ADGRD1: variants seen among roughly 807,000 people sequenced by gnomAD.
ADGRD1 encodes the protein adhesion G protein-coupled receptor D1.
In ADGRD1, 77 loss-of-function variants were observed where a neutral mutation model predicts 113.4. The ratio of observed to expected loss-of-function variants is 0.68; its 90% CI spans 0.57 to 0.82. The LOEUF is 0.82. Among genes scored for constraint, ADGRD1 ranks in the 40% least tolerant of loss-of-function variants. The pLI, the probability that ADGRD1 is intolerant of heterozygous loss-of-function variation, is 0.00. For synonymous variants in ADGRD1, 474 were observed against 475.0 expected, an observed-to-expected ratio of 1.00 and a Z score of 0.03; for missense variants, 1,036 against 1,139.1, an observed-to-expected ratio of 0.91 and a Z score of 1.30.
At chr12:131,004,664 C>T (rs572018643) in intron 11 of ADGRD1, among the ~76,000 whole-genome samples, 3 of 152,176 alleles carry the variant, frequency 2.0e-5, no homozygotes, top group South Asian at 2.1e-4. Flanking sequence ...AATCGGCACA[C>T]ACCTGGTCAG....
In ADGRD1 at chr12:131,101,377, C is replaced by CTTTTTTTTTTTT. The variant is rs71095334; in HGVS notation, c.1672-3438_1672-3427dup. Among the ~76,000 whole-genome samples the CTTTTTTTTTTTT allele has an allele frequency of 6.9e-4, 25 of 36,140 alleles. 3 individuals carry two copies. The highest frequency in any genetic ancestry group is 1.6e-3 in the African/African-American group (17 of 10,882). 23.7% of individuals were successfully genotyped at this position (36,140 alleles called of 152,430 possible). A position where few individuals can be genotyped will look rare whatever the true frequency, so the allele number is the denominator to read the frequency against. ...TTATTTTTTTTCTTTTTCTTTCTTT[C>CTTTTTTTTTTTT]TTTTTTTTTTTTTTTTTTTTTTTTT... On this transcript the variant is annotated intron_variant, in intron 15 of 24. Transcript: ENST00000261654.
chr12:130,996,704 G>A (rs1875452247), intron 8 of ADGRD1, among the ~76,000 whole-genome samples: 1 of 98,750 alleles, frequency 1.0e-5, no homozygotes. Context: ...GCCGGGCGGG[G>A]GGCTGACCCC....
intron 14 of ADGRD1, among the ~76,000 whole-genome samples, chr12:131,078,041 C>G (rs1350160512): frequency 6.6e-6 from 1 of 152,202 alleles, no homozygotes; most frequent in African/African-American, 2.4e-5. Context: ...TCCCCAACAC[C>G]TGGGCATCTT....
At chr12:130,999,585 C>T (rs1487285446) in intron 8 of ADGRD1, among the ~76,000 whole-genome samples, 1 of 152,110 alleles carries the variant, frequency 6.6e-6, no homozygotes, top group Non-Finnish European at 1.5e-5. Flanking sequence ...TTCGGTCAGC[C>T]TCTAAGTTTA....
chr12:131,136,849 C>T (rs898341678), intron 22 of ADGRD1, 124 bp from the exon 23 acceptor site: 1 of 820,568 alleles, frequency 1.2e-6, no homozygotes, highest in African/African-American at 1.7e-5. Context: ...GGCCCCAGGT[C>T]ATGGGACCTG....
intron 13 of ADGRD1, chr12:131,023,345 G>T (rs1247196905): frequency 1.3e-5 from 2 of 152,160 alleles, no homozygotes; most frequent in Non-Finnish European, 2.9e-5. Context: ...TATTTGAGGG[G>T]TATGTGAACC....
intron 13 of ADGRD1, among the ~76,000 whole-genome samples, chr12:131,074,178 C>T (rs1366276609): frequency 6.6e-6 from 1 of 152,202 alleles, no homozygotes. Flanking sequence ...CCGTTTGCTT[C>T]TCCCTGACTG....
At chr12:131,129,216 G>C (rs867651782) in intron 20 of ADGRD1, among the ~76,000 whole-genome samples, 218 of 113,050 alleles carry the variant, frequency 1.9e-3, no homozygotes, top group Middle Eastern at 0.013. Context: ...GCCCCGCCCT[G>C]CTGTCTGGGT....
chr12:130,971,369 C>G lies in ADGRD1; in HGVS notation c.188-89C>G, dbSNP rs900416265. 3.2e-5 allele frequency: 29 copies of G among 906,926 alleles called. No individual in the cohort carries two copies. The highest frequency in any genetic ancestry group is 3.2e-4 in the African/African-American group (19 of 59,454). The allele number at this position is 906,926 out of a possible 1,614,324, so 56.2% of individuals were successfully genotyped here. On this transcript the variant is annotated intron_variant, in intron 3 of 24. Coordinates refer to ENST00000261654, the MANE Select transcript of ADGRD1 (RefSeq NM_198827.5). This position sits in a 1 kb window ranked among gnomAD's most constrained non-coding sequence, Gnocchi z 4.2. Reference sequence around the variant, plus strand: ...AGATAAATAATAATGCATACTTACACATAAGTTATTTGTAGGTCTGACACA... The same window carrying G: ...AGATAAATAATAATGCATACTTACAGATAAGTTATTTGTAGGTCTGACACA...
At chr12:131,138,380 T>C in intron 24 of ADGRD1, 151 bp downstream of exon 24, 1 of 663,330 alleles carries the variant, frequency 1.5e-6, no homozygotes, top group Non-Finnish European at 2.7e-6. Context: ...GCACGTGCTC[T>C]GGGCTTGTGT....
At chr12:131,116,855 G>GC (rs1350717793) in intron 18 of ADGRD1, among the ~76,000 whole-genome samples, 1 of 152,252 alleles carries the variant, frequency 6.6e-6, no homozygotes, top group Non-Finnish European at 1.5e-5. Flanking sequence ...ACTAGAGCAG[G>GC]CCCCGTGGAT....
chr12:131,084,457 T>G lies in ADGRD1; in HGVS notation c.1548-83T>G. On this transcript the variant is annotated intron_variant, in intron 14 of 24. Transcript: ENST00000261654. The surrounding 1 kb of genome is among the most constrained non-coding windows in gnomAD (Gnocchi z 4.5). ...GCCGCCATGAGTTCACGGGGCCATG[T>G]GTTATGGGGGGTGCTGCTCTCAGTC... 1 of 1,472,938 alleles carries G rather than the reference T, an allele frequency of 6.8e-7. No individual in the cohort carries two copies. Among genetic ancestry groups the G allele is most frequent in the Non-Finnish European group, 9.4e-7 (1 of 1,059,364 alleles). The allele number at this position is 1,472,938 out of a possible 1,614,324, so 91.2% of individuals were successfully genotyped here.
intron 20 of ADGRD1, among the ~76,000 whole-genome samples, chr12:131,121,687 A>G (rs982205371): frequency 7.9e-5 from 12 of 152,124 alleles, no homozygotes; most frequent in African/African-American, 2.9e-4. Flanking sequence ...GCCCCAACTC[A>G]GTGTTTAAAC....
chr12:131,078,151 A>G (rs1885787338), intron 14 of ADGRD1, among the ~76,000 whole-genome samples: 1 of 152,202 alleles, frequency 6.6e-6, no homozygotes, highest in African/African-American at 2.4e-5. Context: ...CCCGTCAGAG[A>G]AAGCGTCTCT....
chr12:131,023,579 G>A (rs1244717643), intron 13 of ADGRD1: 1 of 152,056 alleles, frequency 6.6e-6, no homozygotes, highest in Non-Finnish European at 1.5e-5. Context: ...AAACTCTTTG[G>A]TACTCAGTTT....
In ADGRD1 at chr12:131,003,089, G is replaced by T; in HGVS notation, c.1027-96G>T. On this transcript the variant is annotated intron_variant, in intron 9 of 24. Transcript: ENST00000261654. This position sits in a 1 kb window ranked among gnomAD's most constrained non-coding sequence, Gnocchi z 4.8. Reference sequence around the variant, plus strand: ...GACTTCTTCCTCCCTCGTGGCCAACGTGGGGAAACTTGATTTTGTGTGCCT... The same window carrying T: ...GACTTCTTCCTCCCTCGTGGCCAACTTGGGGAAACTTGATTTTGTGTGCCT... 1.0e-6 allele frequency: 1 copy of T among 994,914 alleles called. No homozygotes were observed. The highest frequency in any genetic ancestry group is 1.6e-6 in the Non-Finnish European group (1 of 624,008). 61.6% of individuals were successfully genotyped at this position (994,914 alleles called of 1,614,324 possible).
At position 131,084,659 on chromosome 12, in the gene ADGRD1, T is replaced by C; in HGVS notation, c.1667T>C (p.Leu556Pro). The C allele has an allele frequency of 6.2e-7, 1 of 1,613,794 alleles. No individual in the cohort carries two copies. Among genetic ancestry groups the C allele is most frequent in the Non-Finnish European group, 8.5e-7 (1 of 1,179,832 alleles). The change falls in exon 15 of 25, where the codon CTG becomes CCG. Residue 556 changes from leucine to proline, a missense_variant. Coordinates refer to ENST00000261654, the MANE Select transcript of ADGRD1 (RefSeq NM_198827.5). This position sits in a 1 kb window ranked among gnomAD's most constrained non-coding sequence, Gnocchi z 4.5. ...NFAILMQVVPLELARGHQVAL... is the reference protein window; with the variant it reads ...NFAILMQVVPPELARGHQVAL... Reference sequence around the variant, plus strand: ...GCCATCCTCATGCAGGTGGTCCCGCTGGAGGTAAGAGCCAGGCCTCAGGGG... The same window carrying C: ...GCCATCCTCATGCAGGTGGTCCCGCCGGAGGTAAGAGCCAGGCCTCAGGGG...
Position 130,966,431 on chromosome 12 carries a change from T to G in ADGRD1, c.104-32T>G. On this transcript the variant is annotated intron_variant, in intron 2 of 24. Transcript: ENST00000261654. This position sits in a 1 kb window ranked among gnomAD's most constrained non-coding sequence, Gnocchi z 4.6. Reference sequence around the variant, plus strand: ...CCTCTGGTTCTTTCCTCTCTAATGATGATTTAAAATTTTTATTCTTTTTTC... The same window carrying G: ...CCTCTGGTTCTTTCCTCTCTAATGAGGATTTAAAATTTTTATTCTTTTTTC... 7.1e-7 allele frequency: 1 copy of G among 1,411,132 alleles called. No individual in the cohort carries two copies. Among genetic ancestry groups the G allele is most frequent in the Non-Finnish European group, 1.0e-6 (1 of 995,096 alleles). 87.4% of individuals were successfully genotyped at this position (1,411,132 alleles called of 1,614,324 possible).
intron 18 of ADGRD1, among the ~76,000 whole-genome samples, chr12:131,110,431 C>T (rs537378076): frequency 6.6e-6 from 1 of 151,792 alleles, no homozygotes; most frequent in East Asian, 1.9e-4. Flanking sequence ...AGAATCTATT[C>T]CAAATTTATA....
Sources: gnomAD v4.1 joint callset for allele counts (sites outside exome capture counted in the v4.1 genomes callset) on GRCh38, gnomAD v4.1.1 for gene constraint, Gnocchi (gnomAD v3.1) non-coding constraint, MANE v1.5 for transcripts, NCBI Gene and HGNC (gene_info 2026-07-23, HGNC 2026-07-21) for gene names.